The following PDE1C variants were observed in gnomAD, a reference collection of about 807,000 sequenced individuals.
PDE1C encodes the protein phosphodiesterase 1C.
Under a neutral mutation model 93.1 loss-of-function variants are expected in PDE1C, and 62 were observed. The observed-to-expected ratio is 0.67, with a 90% CI of 0.54 to 0.82. PDE1C has a LOEUF of 0.82. PDE1C is among the 40% of genes least tolerant of loss of function. The probability of loss-of-function intolerance (pLI) is 0.00; values close to 1 mark genes in which losing one functional copy is unlikely to be tolerated. For missense variants in PDE1C, 742 were observed against 884.6 expected (o/e 0.84, Z 2.04); for synonymous variants, 325 against 310.1 (o/e 1.05, Z -0.50).
At chr7:31,651,109 A>T in the PDE1C span, 1 of 1,602,894 alleles carries the variant, frequency 6.2e-7, no homozygotes, top group Non-Finnish European at 8.5e-7. Flanking sequence ...ATCAGAGAGG[A>T]CTTTCTTCTC....
chr7:31,847,725 G>T, intron 9 of PDE1C: 2 of 426,492 alleles, frequency 4.7e-6, no homozygotes, highest in Non-Finnish European at 8.5e-6. Flanking sequence ...AAAGTAGTTG[G>T]AACTTAATCA....
chr7:32,270,809 T>C (rs1810907029), intron 1 of PDE1C, among the ~76,000 whole-genome samples: 1 of 151,996 alleles, frequency 6.6e-6, no homozygotes, highest in South Asian at 2.1e-4. Flanking sequence ...TGTGCCTCTG[T>C]TTCCTCCAAT....
intron 2 of PDE1C, among the ~76,000 whole-genome samples, chr7:32,028,882 T>G (rs1789858018): frequency 6.6e-6 from 1 of 152,104 alleles, no homozygotes; most frequent in South Asian, 2.1e-4. Flanking sequence ...ACCATTCTAT[T>G]ATCTGCTTCT....
At chr7:31,783,992 T>G (rs950107402) in intron 16 of PDE1C, 1 of 152,230 alleles carries the variant, frequency 6.6e-6, no homozygotes, top group African/African-American at 2.4e-5. Flanking sequence ...AATACCTTCC[T>G]TATTCCTCCA....
At chr7:32,199,109 G>C (rs1208360161) in intron 2 of PDE1C, among the ~76,000 whole-genome samples, 1 of 151,174 alleles carries the variant, frequency 6.6e-6, no homozygotes, top group Non-Finnish European at 1.5e-5. Context: ...GGTGACAAGA[G>C]CAAAACTACC....
intron 3 of PDE1C, among the ~76,000 whole-genome samples, chr7:32,141,698 A>G (rs762725685): frequency 6.6e-6 from 1 of 152,226 alleles, no homozygotes; most frequent in Non-Finnish European, 1.5e-5. Context: ...GCAGTGTGGT[A>G]CCCTGGATGG....
intron 1 of PDE1C, among the ~76,000 whole-genome samples, chr7:32,059,518 C>A (rs1050927991): frequency 1.3e-5 from 2 of 152,200 alleles, no homozygotes; most frequent in African/African-American, 4.8e-5. Flanking sequence ...CCCTCCGCAT[C>A]CCCTCGGCTG....
intron 3 of PDE1C, among the ~76,000 whole-genome samples, chr7:32,084,051 A>T (rs2128739567): frequency 6.6e-6 from 1 of 152,098 alleles, no homozygotes; most frequent in East Asian, 1.9e-4. Flanking sequence ...AAAGACACAG[A>T]CTGGCAAATT....
At chr7:32,121,094 C>A (rs988709992) in intron 3 of PDE1C, among the ~76,000 whole-genome samples, 5 of 152,148 alleles carry the variant, frequency 3.3e-5, no homozygotes, top group African/African-American at 9.6e-5. Context: ...ACACAAGTAT[C>A]AATAGCTGAA....
At chr7:31,640,751 A>G in the PDE1C span, among the ~76,000 whole-genome samples, 1 of 152,120 alleles carries the variant, frequency 6.6e-6, no homozygotes, top group South Asian at 2.1e-4. Context: ...TCTCATTTAG[A>G]TCTATGACTT....
chr7:31,678,913 A>T, the PDE1C span, among the ~76,000 whole-genome samples: 1 of 152,182 alleles, frequency 6.6e-6, no homozygotes, highest in Non-Finnish European at 1.5e-5. Context: ...CTTGTTACAG[A>T]TATGCAAAAT....
intron 2 of PDE1C, among the ~76,000 whole-genome samples, chr7:32,049,201 G>A (rs1005086042): frequency 1.3e-5 from 2 of 152,040 alleles, no homozygotes; most frequent in Non-Finnish European, 2.9e-5. Flanking sequence ...TGAGTCCAAC[G>A]AACCTGAACA....
At chr7:32,175,237 T>G (rs1802905580) in intron 2 of PDE1C, among the ~76,000 whole-genome samples, 1 of 152,206 alleles carries the variant, frequency 6.6e-6, no homozygotes. Flanking sequence ...GGAGATATCA[T>G]AGGTTCACAG....
At chr7:32,176,286 T>C (rs1802981744) in intron 2 of PDE1C, among the ~76,000 whole-genome samples, 1 of 151,938 alleles carries the variant, frequency 6.6e-6, no homozygotes, top group South Asian at 2.1e-4. Flanking sequence ...AGATCCATTA[T>C]AAGTGAAAAA....
chr7:31,754,616 G>T (rs938256042), intron 17 of PDE1C, among the ~76,000 whole-genome samples: 1 of 152,180 alleles, frequency 6.6e-6, no homozygotes, highest in Non-Finnish European at 1.5e-5. Flanking sequence ...AATACATATT[G>T]CTAAGTGAAA....
chr7:31,659,997 T>C, the PDE1C span, among the ~76,000 whole-genome samples: 3 of 152,168 alleles, frequency 2.0e-5, no homozygotes. Flanking sequence ...GTTCTCATGA[T>C]AGTGAGTTCT....
chr7:31,871,689 G>A (rs1477433034), intron 6 of PDE1C, among the ~76,000 whole-genome samples: 2 of 141,230 alleles, frequency 1.4e-5, no homozygotes, highest in Admixed American at 1.5e-4. Flanking sequence ...TGGCTGTTAT[G>A]GTTAAAAAAA....
chr7:32,127,376 A>C (rs900090168), intron 3 of PDE1C, among the ~76,000 whole-genome samples: 3 of 152,150 alleles, frequency 2.0e-5, no homozygotes, highest in Non-Finnish European at 4.4e-5. Flanking sequence ...TAGAAGACCA[A>C]TTTAAATGTT....
intron 2 of PDE1C, among the ~76,000 whole-genome samples, chr7:31,881,831 T>TCA (rs144317818): frequency 0.052 from 7,876 of 152,302 alleles, 325 homozygotes; most frequent in African/African-American, 0.12. Flanking sequence ...AGTATGTGAC[T>TCA]CGGTTGTTCT....
Sources: allele counts gnomAD v4.1 joint callset (sites outside exome capture counted in the v4.1 genomes callset), GRCh38; gene constraint gnomAD v4.1.1; transcripts MANE v1.5; gene names NCBI Gene and HGNC (gene_info 2026-07-23, HGNC 2026-07-21).